INVS: variants seen among roughly 807,000 people sequenced by gnomAD.
INVS encodes the protein inversion of embryo turning homolog.
A neutral mutation model predicts 108.8 loss-of-function variants in INVS; 86 were observed. That is an observed-to-expected ratio of 0.79 (90% CI 0.66 to 0.95). INVS has a LOEUF of 0.95. Ranked by LOEUF, INVS falls within the 40% of genes least tolerant of loss-of-function variation. The pLI is 0.00. For missense variants in INVS, 1,169 were observed against 1,297.4 expected, an observed-to-expected ratio of 0.90 and a Z score of 1.52; for synonymous variants, 455 against 473.5, an observed-to-expected ratio of 0.96 and a Z score of 0.51.
At position 100,101,001 on chromosome 9, in the gene INVS, A is replaced by T. The variant is rs1394571969; in HGVS notation, c.-25+1585A>T. Among the ~76,000 whole-genome samples, 5 of 85,520 alleles carry T rather than the reference A, an allele frequency of 5.8e-5. No homozygotes were observed. In the South Asian group the frequency reaches 7.8e-4, roughly 13 times the overall value. The allele number at this position is 85,520 out of a possible 152,430, so 56.1% of individuals were successfully genotyped here. Reference sequence around the variant, plus strand: ...TATATATAATATATATGTATATATAATATATATATTATATGTATATATATT... The same window carrying T: ...TATATATAATATATATGTATATATATTATATATATTATATGTATATATATT... On this transcript the variant is annotated intron_variant, in intron 1 of 16. Transcript: ENST00000262457.
intron 10 of INVS, among the ~76,000 whole-genome samples, chr9:100,259,557 CTT>C (rs35844010): frequency 6.0e-5 from 8 of 132,944 alleles, no homozygotes; most frequent in East Asian, 2.1e-4. Context: ...GAACTGGGGC[CTT>C]TTTTTTTTTT....
intron 16 of INVS, among the ~76,000 whole-genome samples, chr9:100,299,459 G>C (rs954128325): frequency 5.9e-5 from 9 of 151,320 alleles, no homozygotes; most frequent in African/African-American, 1.9e-4. Context: ...CATGTATTTG[G>C]GAGGCAGCAA....
intron 2 of INVS, among the ~76,000 whole-genome samples, chr9:100,114,839 G>C (rs7861003): frequency 0.69 from 104,554 of 152,134 alleles, 37,154 homozygotes; most frequent in East Asian, 0.91. Context: ...TTCTCATTTT[G>C]CAGTTTAAGG....
chr9:100,292,885 G>A lies in INVS; in HGVS notation c.2628G>A (p.Glu876=), dbSNP rs368520029. 2.5e-6 allele frequency: 4 copies of A among 1,614,084 alleles called. No homozygotes were observed. In the African/African-American group the frequency reaches 5.3e-5, roughly 22 times the overall value. ...TLSEDFQVSK[E]TDPAPGPLSG... ...CCGAGGACTTTCAGGTATCTAAGGA[G>A]ACTGATCCAGCACCTGGTCCCCTCT... The change falls in exon 14 of 17, where the codon GAG becomes GAA. Residue 876 remains glutamate (E), a synonymous_variant. Transcript: ENST00000262457.
At chr9:100,252,038 C>T (rs528023140) in intron 8 of INVS, among the ~76,000 whole-genome samples, 7 of 151,822 alleles carry the variant, frequency 4.6e-5, no homozygotes, top group Admixed American at 2.0e-4. Flanking sequence ...TTCAGACCAA[C>T]AGGATGGAAA....
At chr9:100,276,533 CAG>C (rs370614427) in intron 12 of INVS, among the ~76,000 whole-genome samples, 4 of 152,144 alleles carry the variant, frequency 2.6e-5, no homozygotes, top group African/African-American at 9.6e-5. Flanking sequence ...TTTTTTGAGA[CAG>C]AGTCTTTCTG....
intron 3 of INVS, among the ~76,000 whole-genome samples, chr9:100,161,451 T>G (rs1829185085): frequency 6.6e-6 from 1 of 151,784 alleles, no homozygotes; most frequent in Non-Finnish European, 1.5e-5. Flanking sequence ...TTTAATTTTG[T>G]CAGTCTGCCA....
Position 100,292,612 on chromosome 9 carries a change from G to A in INVS, c.2355G>A (p.Lys785=), listed in dbSNP as rs776083384. Residue 785 remains lysine, a synonymous_variant, in exon 14 of 17, where the codon AAG becomes AAA. Transcript: ENST00000262457. ...KPSRRHDTEP[K]AKCAPQKRRT... The stretch of plus-strand genomic sequence containing the variant: ...GCAGGCGGCATGACACAGAACCCAA[G>A]GCCAAATGTGCCCCCCAGAAAAGGC... The A allele has an allele frequency of 1.2e-6, 2 of 1,614,178 alleles. No homozygotes were observed. Among genetic ancestry groups the A allele is most frequent in the South Asian group, 1.1e-5 (1 of 91,080 alleles).
At chr9:100,120,286 G>C (rs1827686724) in intron 2 of INVS, 1 of 152,150 alleles carries the variant, frequency 6.6e-6, no homozygotes, top group African/African-American at 2.4e-5. Context: ...TGCTATCAAG[G>C]TAAGAAGGAA....
chr9:100,213,894 A>G (rs1210030387), intron 3 of INVS, among the ~76,000 whole-genome samples: 2 of 152,170 alleles, frequency 1.3e-5, no homozygotes, highest in Non-Finnish European at 1.5e-5. Context: ...CTAAGTAAAG[A>G]GTGGCCAAGA....
chr9:100,299,555 A>AACACACACACACACAC lies in INVS; in HGVS notation c.3092-993_3092-978dup, dbSNP rs55800849. ...TCAGCAGAGCCTTTTATTGACACAC[A>AACACACACACACACAC]ACACACACACACACACACACACACA... On this transcript the variant is annotated intron_variant, in intron 16 of 16. Transcript: ENST00000262457. Among the ~76,000 whole-genome samples, 347 of 125,684 alleles carry AACACACACACACACAC rather than the reference A, an allele frequency of 2.8e-3. 2 individuals are homozygous for AACACACACACACACAC. Among genetic ancestry groups the AACACACACACACACAC allele is most frequent in the African/African-American group, 9.2e-3 (309 of 33,576 alleles). The allele number at this position is 125,684 out of a possible 152,430, so 82.5% of individuals were successfully genotyped here.
At chr9:100,155,860 A>G (rs555569260) in intron 3 of INVS, among the ~76,000 whole-genome samples, 1 of 152,370 alleles carries the variant, frequency 6.6e-6, no homozygotes, top group African/African-American at 2.4e-5. Context: ...AAGATTTTCA[A>G]TAAGAAGTAT....
intron 12 of INVS, among the ~76,000 whole-genome samples, chr9:100,283,759 G>C (rs1219549494): frequency 6.6e-6 from 1 of 152,226 alleles, no homozygotes; most frequent in African/African-American, 2.4e-5. Flanking sequence ...TGTAAAATGA[G>C]TGGATCTGAC....
At chr9:100,240,354 CT>C in intron 6 of INVS, 114 bp downstream of exon 6, 1 of 752,636 alleles carries the variant, frequency 1.3e-6, no homozygotes, top group South Asian at 1.5e-5. Flanking sequence ...TGATTTCTAA[CT>C]GATATGTTGC....
intron 3 of INVS, among the ~76,000 whole-genome samples, chr9:100,212,099 C>T (rs2118305384): frequency 6.6e-6 from 1 of 152,286 alleles, no homozygotes; most frequent in South Asian, 2.1e-4. Context: ...GAGTTGATTG[C>T]TGTAACTGTT....
rs537582995 is a variant in INVS, at chr9:100,234,408, T to A, written c.615+4581T>A. ...TAGTTATCTCTTGTCTTCTGTTAGGTTTTTAATTTGTTTGCTCTTGATTCT... is the reference window on the plus strand; with the variant it reads ...TAGTTATCTCTTGTCTTCTGTTAGGATTTTAATTTGTTTGCTCTTGATTCT... On this transcript the variant is annotated intron_variant, in intron 5 of 16. Transcript: ENST00000262457. Among the ~76,000 whole-genome samples the A allele has an allele frequency of 5.9e-5, 9 of 152,244 alleles. No homozygotes were observed. The East Asian group carries it at 1.7e-3, about 29-fold the overall frequency.
At chr9:100,285,483 C>T (rs1308944792) in intron 13 of INVS, among the ~76,000 whole-genome samples, 4 of 152,166 alleles carry the variant, frequency 2.6e-5, no homozygotes, top group Non-Finnish European at 5.9e-5. Context: ...CCCAAGACTA[C>T]CACCAGGTTT....
At chr9:100,288,232 C>T (rs1833504586) in intron 13 of INVS, among the ~76,000 whole-genome samples, 2 of 152,120 alleles carry the variant, frequency 1.3e-5, no homozygotes. Flanking sequence ...GAATTCTTGG[C>T]TCTGCTCTCT....
At chr9:100,262,433 C>T (rs1031585589) in intron 10 of INVS, among the ~76,000 whole-genome samples, 1 of 151,766 alleles carries the variant, frequency 6.6e-6, no homozygotes, top group Non-Finnish European at 1.5e-5. Context: ...TTTCTTTCAG[C>T]TTGGTAAGTT....
Sources: gnomAD v4.1 joint callset for allele counts (sites outside exome capture counted in the v4.1 genomes callset) on GRCh38, gnomAD v4.1.1 for gene constraint, MANE v1.5 for transcripts, NCBI Gene and HGNC (gene_info 2026-07-23, HGNC 2026-07-21) for gene names.